Variants in TULP4 observed in about 807,000 individuals in gnomAD.
The protein encoded by TULP4 is tubby-related protein 4.
Under a neutral mutation model 129.0 loss-of-function variants are expected in TULP4, and 16 were observed. The observed-to-expected ratio is 0.12, with a 90% CI of 0.08 to 0.19. The LOEUF (loss-of-function observed/expected upper bound fraction) is 0.19. Among genes scored for constraint, TULP4 ranks in the 10% least tolerant of loss-of-function variants. The probability of loss-of-function intolerance (pLI) is 1.00; values close to 1 mark genes in which losing one functional copy is unlikely to be tolerated. For synonymous variants in TULP4, 998 were observed against 854.0 expected (o/e 1.17, Z -2.94); for missense variants, 1,842 against 2,059.1 (o/e 0.89, Z 2.04).
At chr6:158,261,745 A>T (rs1250957316) in intron 1 of TULP4, among the ~76,000 whole-genome samples, 1 of 152,162 alleles carries the variant, frequency 6.6e-6, no homozygotes, top group Non-Finnish European at 1.5e-5. Context: ...GGCTGGTTGC[A>T]TGGCTCCTGC....
chr6:158,402,440 G>C (rs936878238), intron 1 of TULP4, among the ~76,000 whole-genome samples: 4 of 152,236 alleles, frequency 2.6e-5, no homozygotes, highest in South Asian at 2.1e-4. Context: ...AGATAGTGTT[G>C]ACTGTCATTA....
chr6:158,449,304 A>G, intron 4 of TULP4, 128 bp downstream of exon 4: 1 of 922,196 alleles, frequency 1.1e-6, no homozygotes, highest in Non-Finnish European at 1.6e-6. Flanking sequence ...GCTTCCTGGG[A>G]AGAGTTATCA....
intron 1 of TULP4, among the ~76,000 whole-genome samples, chr6:158,365,096 T>C (rs1440241670): frequency 1.3e-5 from 2 of 151,902 alleles, no homozygotes; most frequent in African/African-American, 4.8e-5. Context: ...GAATTGAGAT[T>C]CAAGTCTTCA....
intron 1 of TULP4, among the ~76,000 whole-genome samples, chr6:158,254,931 G>A (rs1336104143): frequency 2.6e-5 from 4 of 152,194 alleles, no homozygotes; most frequent in African/African-American, 7.2e-5. Flanking sequence ...AATTAACTGG[G>A]CATGGTGTCA....
At chr6:158,300,349 G>A (rs1312816077) in intron 1 of TULP4, among the ~76,000 whole-genome samples, 1 of 152,174 alleles carries the variant, frequency 6.6e-6, no homozygotes, top group Non-Finnish European at 1.5e-5. Context: ...TGCAGTCAGA[G>A]TATGTCTTTA....
chr6:158,478,439 C>G (rs905085212), intron 6 of TULP4, among the ~76,000 whole-genome samples: 1 of 152,212 alleles, frequency 6.6e-6, no homozygotes, highest in African/African-American at 2.4e-5. Context: ...TGTGCATTTT[C>G]TGTGTGTTGG....
In TULP4 at chr6:158,503,608, C is replaced by T. The variant is rs1239116069; in HGVS notation, c.3945C>T (p.Phe1315=). Reference sequence around the variant, plus strand: ...TGATGGTAGAGACTGCAGACAACTTCCAGGAAGTCCTCTCCCTGACCGAAA... The same window carrying T: ...TGATGGTAGAGACTGCAGACAACTTTCAGGAAGTCCTCTCCCTGACCGAAA... ...TEVMVETADN[F]QEVLSLTESP... is the part of the protein sequence containing the mutation. Residue 1315 remains phenylalanine, a synonymous_variant, in exon 13 of 14, where the codon TTC becomes TTT. Transcript: ENST00000367097. The surrounding 1 kb of genome is among the most constrained non-coding windows in gnomAD (Gnocchi z 4.3). 1 of 1,614,060 alleles carries T rather than the reference C, an allele frequency of 6.2e-7. No homozygotes were observed. The highest frequency in any genetic ancestry group is 8.5e-7 in the Non-Finnish European group (1 of 1,180,034).
intron 6 of TULP4, among the ~76,000 whole-genome samples, chr6:158,468,863 G>C (rs895207698): frequency 1.3e-5 from 2 of 152,160 alleles, no homozygotes; most frequent in Non-Finnish European, 2.9e-5. Flanking sequence ...GCAGGGAGGC[G>C]CCTCCCTTTA....
chr6:158,284,702 G>T (rs1464851242), intron 1 of TULP4, among the ~76,000 whole-genome samples: 1 of 152,236 alleles, frequency 6.6e-6, no homozygotes, highest in Non-Finnish European at 1.5e-5. Context: ...TTGGCCTGCA[G>T]CCCTGCCCAC....
chr6:158,386,784 C>CTA (rs71030164), intron 1 of TULP4, among the ~76,000 whole-genome samples: 1 of 151,186 alleles, frequency 6.6e-6, no homozygotes, highest in South Asian at 2.1e-4. Context: ...TCTGTTTTCT[C>CTA]TATTTGTAAA....
At chr6:158,254,401 C>T (rs1197015544) in intron 1 of TULP4, among the ~76,000 whole-genome samples, 1 of 152,144 alleles carries the variant, frequency 6.6e-6, no homozygotes, top group Non-Finnish European at 1.5e-5. Context: ...CCTTGGCCTC[C>T]CAAAGTGCTG....
intron 1 of TULP4, among the ~76,000 whole-genome samples, chr6:158,295,299 T>G (rs1349532037): frequency 1.3e-5 from 2 of 152,196 alleles, no homozygotes; most frequent in African/African-American, 4.8e-5. Flanking sequence ...AATAGCATCT[T>G]TATGCTTTAT....
chr6:158,274,498 C>G (rs1053259641), intron 1 of TULP4, among the ~76,000 whole-genome samples: 1 of 151,690 alleles, frequency 6.6e-6, no homozygotes, highest in Non-Finnish European at 1.5e-5. Flanking sequence ...CAGTGGCGGC[C>G]GGGCGCAGTG....
chr6:158,273,289 C>T (rs954766390), intron 1 of TULP4, among the ~76,000 whole-genome samples: 1 of 152,140 alleles, frequency 6.6e-6, no homozygotes, highest in Non-Finnish European at 1.5e-5. Context: ...CTGTTGGTTT[C>T]CTCCTCCCTG....
At position 158,452,151 on chromosome 6, in the gene TULP4, C is replaced by A. The variant is rs770829194; in HGVS notation, c.742C>A (p.Pro248Thr). The change falls in exon 5 of 14, where the codon CCC becomes ACC. Residue 248 changes from proline to threonine, a missense_variant. By Grantham distance (38) the Pro-to-Thr change is conservative (BLOSUM62 -1). This residue lies in a region of TULP4 where 456 missense variants were observed against 534.3 expected (regional missense o/e 0.85). Coordinates refer to ENST00000367097, the MANE Select transcript of TULP4 (RefSeq NM_020245.5). ...APPQDGPAAY[P>T]IPVQNIKPLL... Reference sequence around the variant, plus strand: ...TCCTGCAGATGGTCCGGCAGCATATCCCATCCCAGTGCAGAACATCAAGCC... The same window carrying A: ...TCCTGCAGATGGTCCGGCAGCATATACCATCCCAGTGCAGAACATCAAGCC... The A allele has an allele frequency of 6.2e-6, 10 of 1,614,142 alleles. No homozygotes were observed. The South Asian group carries it at 1.1e-4, about 18-fold the overall frequency.
chr6:158,411,680 G>A (rs1484556366), intron 1 of TULP4, among the ~76,000 whole-genome samples: 1 of 152,184 alleles, frequency 6.6e-6, no homozygotes, highest in African/African-American at 2.4e-5. Context: ...GGCTGCTCAA[G>A]GCACACTAAA....
intron 1 of TULP4, among the ~76,000 whole-genome samples, chr6:158,255,489 G>A (rs1159651785): frequency 6.6e-6 from 1 of 152,128 alleles, no homozygotes; most frequent in Non-Finnish European, 1.5e-5. Flanking sequence ...TCTGGTCAGT[G>A]AGATTAGTGG....
chr6:158,434,794 G>C (rs1778715573), intron 3 of TULP4, among the ~76,000 whole-genome samples: 1 of 152,162 alleles, frequency 6.6e-6, no homozygotes, highest in South Asian at 2.1e-4. Context: ...CTAGGGCGGT[G>C]ACCAGCTGAT....
chr6:158,446,009 G>A (rs1044881971), intron 3 of TULP4, among the ~76,000 whole-genome samples: 4 of 152,178 alleles, frequency 2.6e-5, no homozygotes, highest in African/African-American at 9.7e-5. Flanking sequence ...AGCCCACTTA[G>A]AACACATTCA....
Sources: allele counts gnomAD v4.1 joint callset (sites outside exome capture counted in the v4.1 genomes callset), GRCh38; gene constraint gnomAD v4.1.1; regional missense constraint gnomAD v4.1.1; non-coding constraint Gnocchi (gnomAD v3.1); transcripts MANE v1.5; gene names NCBI Gene and HGNC (gene_info 2026-07-23, HGNC 2026-07-21).